Variants in IQCK observed in about 807,000 individuals in gnomAD.
The protein encoded by IQCK is IQ motif containing K.
IQCK carries 29 observed loss-of-function variants against 28.1 expected under a neutral mutation model. That is an observed-to-expected ratio of 1.03 (90% CI 0.77 to 1.41). The LOEUF (loss-of-function observed/expected upper bound fraction) is 1.41, where lower values mean the gene tolerates loss of function less well. Among genes scored for constraint, IQCK ranks in the 40% most tolerant of loss-of-function variants. The probability of loss-of-function intolerance (pLI) is 0.00; values close to 1 mark genes in which losing one functional copy is unlikely to be tolerated. For synonymous variants in IQCK, 113 were observed against 115.1 expected, an observed-to-expected ratio of 0.98 and a Z score of 0.12; for missense variants, 359 against 314.7, an observed-to-expected ratio of 1.14 and a Z score of -1.07.
chr16:19,759,184 C>T (rs1298016613), intron 4 of IQCK, among the ~76,000 whole-genome samples: 1 of 151,966 alleles, frequency 6.6e-6, no homozygotes, highest in African/African-American at 2.4e-5. Context: ...CCTGCTCTGT[C>T]CAGTGCAGTC....
intron 4 of IQCK, among the ~76,000 whole-genome samples, chr16:19,752,530 C>G (rs1487001536): frequency 2.0e-5 from 3 of 152,072 alleles, no homozygotes; most frequent in African/African-American, 7.2e-5. Context: ...TTCAAACTGT[C>G]CTAAGTAGAA....
intron 9 of IQCK, among the ~76,000 whole-genome samples, chr16:19,839,279 G>C (rs1213607464): frequency 6.6e-6 from 1 of 151,588 alleles, no homozygotes; most frequent in African/African-American, 2.4e-5. Flanking sequence ...TCCTGCCTCA[G>C]CCTCCCGAGT....
At chr16:19,718,306 C>T (rs1484451682) in exon 1 of IQCK, 3 of 1,603,784 alleles carry the variant, frequency 1.9e-6, no homozygotes, top group South Asian at 2.2e-5. Context: ...AAACCGCGGC[C>T]ATGGCGGCAC....
exon 10 of IQCK, chr16:19,858,407 G>A (rs1240627398): frequency 2.0e-6 from 1 of 498,088 alleles, no homozygotes; most frequent in African/African-American, 2.0e-5. Context: ...GACTTTCCAT[G>A]GCAGCCATTT....
chr16:19,851,001 G>A (rs1009857600), intron 9 of IQCK, among the ~76,000 whole-genome samples: 1 of 152,172 alleles, frequency 6.6e-6, no homozygotes, highest in South Asian at 2.1e-4. Context: ...TCCAGCCTGG[G>A]TAACAGAGCG....
At position 19,761,215 on chromosome 16, in the gene IQCK, C is replaced by T. The variant is rs114380966; in HGVS notation, c.475-2633C>T. On this transcript the variant is annotated intron_variant, in intron 4 of 7. Transcript: ENST00000564186. ...TTCAAGATGGAGTTGCTCTGGTTCA[C>T]GTGCCTCTGACATTTCCAATAAGGT... The T allele has an allele frequency of 1.1e-3, 374 of 349,840 alleles. 2 individuals carry two copies. The highest frequency in any genetic ancestry group is 7.2e-3 in the African/African-American group (340 of 46,922). 21.7% of individuals were successfully genotyped at this position (349,840 alleles called of 1,614,324 possible).
chr16:19,720,583 G>A (rs1977462382), intron 1 of IQCK, among the ~76,000 whole-genome samples: 1 of 152,182 alleles, frequency 6.6e-6, no homozygotes, highest in Non-Finnish European at 1.5e-5. Flanking sequence ...CATTATTGTT[G>A]ACAAAGAAAC....
chr16:19,792,594 G>A (rs1431427821), intron 7 of IQCK, among the ~76,000 whole-genome samples: 5 of 91,758 alleles, frequency 5.4e-5, no homozygotes, highest in Non-Finnish European at 9.1e-5. Flanking sequence ...TTTTTGAGAC[G>A]GAGTTTTGCT....
At chr16:19,811,984 AATT>A (rs2055912191) in intron 7 of IQCK, among the ~76,000 whole-genome samples, 1 of 135,224 alleles carries the variant, frequency 7.4e-6, no homozygotes, top group African/African-American at 3.4e-5. Flanking sequence ...AAATAGCCTT[AATT>A]TTTTTTTTTT....
At chr16:19,786,207 A>T (rs1382198098) in intron 6 of IQCK, among the ~76,000 whole-genome samples, 1 of 152,188 alleles carries the variant, frequency 6.6e-6, no homozygotes, top group African/African-American at 2.4e-5. Flanking sequence ...GTGTCACACA[A>T]CTGAGATATA....
chr16:19,786,309 T>G (rs2055560929), intron 6 of IQCK, among the ~76,000 whole-genome samples: 1 of 151,878 alleles, frequency 6.6e-6, no homozygotes, highest in African/African-American at 2.4e-5. Flanking sequence ...ATTCCAGTGC[T>G]TTGGGAGGCC....
intron 7 of IQCK, among the ~76,000 whole-genome samples, chr16:19,818,732 T>C (rs2056023873): frequency 6.6e-6 from 1 of 152,178 alleles, no homozygotes; most frequent in Non-Finnish European, 1.5e-5. Context: ...TGTATTTTCT[T>C]TTTATTAAGC....
chr16:19,838,817 G>A (rs1013233532), intron 9 of IQCK, among the ~76,000 whole-genome samples: 3 of 151,990 alleles, frequency 2.0e-5, no homozygotes, highest in South Asian at 2.1e-4. Context: ...TTAGGAGTTC[G>A]AGACCAGCCT....
chr16:19,813,131 G>T (rs374883358), intron 7 of IQCK, among the ~76,000 whole-genome samples: 1 of 152,228 alleles, frequency 6.6e-6, no homozygotes, highest in East Asian at 1.9e-4. Context: ...GAAGTAATTA[G>T]TCAACTGGAA....
chr16:19,855,074 CAT>C (rs1441535660), intron 9 of IQCK, among the ~76,000 whole-genome samples: 2 of 152,248 alleles, frequency 1.3e-5, no homozygotes, highest in African/African-American at 4.8e-5. Context: ...AGTTGTCAAA[CAT>C]AGAAAATAAG....
chr16:19,793,663 T>TTG lies in IQCK; in HGVS notation c.690+4742_690+4743insGT, dbSNP rs1567559639. Among the ~76,000 whole-genome samples the TTG allele has an allele frequency of 7.1e-4, 95 of 133,094 alleles. 2 individuals carry two copies. Among genetic ancestry groups the TTG allele is most frequent in the African/African-American group, 3.0e-3 (91 of 30,318 alleles). The allele number at this position is 133,094 out of a possible 152,430, so 87.3% of individuals were successfully genotyped here. A position where few individuals can be genotyped will look rare whatever the true frequency, so the allele number is the denominator to read the frequency against. On this transcript the variant is annotated intron_variant, in intron 7 of 7. Coordinates refer to ENST00000564186, the Ensembl canonical transcript of IQCK. ...GTTGGGTTTTTTTTTTTTTTTTTTT[T>TTG]TTTTTTTTTTGTGAAATTAACAAGC...
chr16:19,827,999 G>A (rs998636192), downstream of IQCK, among the ~76,000 whole-genome samples: 1 of 151,674 alleles, frequency 6.6e-6, no homozygotes, highest in South Asian at 2.1e-4. Flanking sequence ...TGCAACCTCC[G>A]CCTTCTGGGT....
rs532231967 is a variant in IQCK, at chr16:19,834,200, G to A, written c.802+7063G>A. Among the ~76,000 whole-genome samples the A allele has an allele frequency of 3.9e-5, 6 of 152,344 alleles. No individual in the cohort carries two copies. The South Asian group carries it at 1.0e-3, about 26-fold the overall frequency. ...ATGTCTGCAACTAAGGAGTAGCTAC[G>A]AGCGATGGAGCTTATGCCATGTGCC... On this transcript the variant is annotated intron_variant, in intron 9 of 9. Coordinates refer to the IQCK transcript ENST00000320394.
At chr16:19,822,084 CAAAA>C (rs1234011581) in intron 7 of IQCK, among the ~76,000 whole-genome samples, 3 of 97,608 alleles carry the variant, frequency 3.1e-5, no homozygotes, top group African/African-American at 1.2e-4. Flanking sequence ...AAAAAAAAAA[CAAAA>C]AAAAAAACAA....
Sources: allele counts gnomAD v4.1 joint callset (sites outside exome capture counted in the v4.1 genomes callset), GRCh38; gene constraint gnomAD v4.1.1; transcripts MANE v1.5; gene names NCBI Gene and HGNC (gene_info 2026-07-23, HGNC 2026-07-21).